Variants in FAR2 observed in about 807,000 individuals in gnomAD.
The protein encoded by FAR2 is fatty acyl-CoA reductase 2.
A neutral mutation model predicts 56.0 loss-of-function variants in FAR2; 19 were observed. The ratio of observed to expected loss-of-function variants is 0.34; its 90% confidence interval spans 0.24 to 0.50. FAR2 has a LOEUF of 0.50. FAR2 is among the 20% of genes least tolerant of loss of function. The pLI, the probability that FAR2 is intolerant of heterozygous loss-of-function variation, is 0.98. For missense variants in FAR2, 508 were observed against 642.2 expected (o/e 0.79, Z 2.26); for synonymous variants, 219 against 218.8 (o/e 1.00, Z -0.01).
In FAR2 at chr12:29,293,213, A is replaced by T. The variant is rs4280037; in HGVS notation, c.190-87A>T. The T allele has an allele frequency of 0.041, 46,496 of 1,122,684 alleles. 1,112 individuals are homozygous for T. Among genetic ancestry groups the T allele is most frequent in the East Asian group, 0.069 (2,471 of 35,772 alleles). The allele number at this position is 1,122,684 out of a possible 1,614,324, so 69.5% of individuals were successfully genotyped here. On this transcript the variant is annotated intron_variant, in intron 2 of 11. Coordinates refer to ENST00000536681, the MANE Select transcript of FAR2 (RefSeq NM_001271783.2). The stretch of plus-strand genomic sequence containing the variant: ...TTATTACAACTAAAACCAGTTTTTG[A>T]GTATAATTAAGCAGGTTGTTATAAA...
intron 4 of FAR2, among the ~76,000 whole-genome samples, chr12:29,298,431 A>G (rs936510062): frequency 6.6e-6 from 1 of 152,010 alleles, no homozygotes; most frequent in African/African-American, 2.4e-5. Flanking sequence ...AGTTTTAGCT[A>G]AATCAAGAGT....
chr12:29,281,631 C>T (rs529077645), intron 2 of FAR2: 3 of 151,902 alleles, frequency 2.0e-5, no homozygotes, highest in South Asian at 2.1e-4. Context: ...AAAAATAAAT[C>T]GTTTGGTTCA....
intron 2 of FAR2, among the ~76,000 whole-genome samples, chr12:29,275,169 C>G (rs1021106745): frequency 6.6e-6 from 1 of 151,148 alleles, no homozygotes; most frequent in East Asian, 2.0e-4. Flanking sequence ...AGAGAGTCAG[C>G]GAAGGGAGAC....
chr12:29,322,778 C>A (rs1949574430), intron 10 of FAR2, among the ~76,000 whole-genome samples: 1 of 152,166 alleles, frequency 6.6e-6, no homozygotes, highest in African/African-American at 2.4e-5. Flanking sequence ...TAGAAGAAAC[C>A]AAGTCACACT....
intron 1 of FAR2, among the ~76,000 whole-genome samples, chr12:29,251,998 A>T (rs1948220499): frequency 6.6e-6 from 1 of 152,156 alleles, no homozygotes; most frequent in South Asian, 2.1e-4. Flanking sequence ...TTCGAGAGGG[A>T]GAAATGCTGC....
In FAR2 at chr12:29,293,286, T is replaced by C. The variant is rs765725983; in HGVS notation, c.190-14T>C. On this transcript the variant is annotated splice_polypyrimidine_tract_variant and intron_variant, in intron 2 of 11. Coordinates refer to ENST00000536681, the MANE Select transcript of FAR2 (RefSeq NM_001271783.2). The stretch of plus-strand genomic sequence containing the variant: ...GTGCTATTTTTTGTATATTGATCTA[T>C]ATTTATGTTTCAGCTATTTGAGAAA... 22 of 1,554,388 alleles carry C rather than the reference T, an allele frequency of 1.4e-5. No individual in the cohort carries two copies. Among genetic ancestry groups the C allele is most frequent in the Non-Finnish European group, 1.9e-5 (22 of 1,151,142 alleles).
chr12:29,326,307 G>A (rs1399144624), intron 10 of FAR2, among the ~76,000 whole-genome samples: 4 of 152,168 alleles, frequency 2.6e-5, no homozygotes, highest in African/African-American at 7.2e-5. Context: ...ATTCACAGCC[G>A]AATTCTACCA....
At chr12:29,286,286 T>C (rs61447708) in intron 2 of FAR2, among the ~76,000 whole-genome samples, 2,952 of 152,272 alleles carry the variant, frequency 0.019, 82 homozygotes, top group African/African-American at 0.066. Context: ...GAGATACAGT[T>C]GTCATCTCTC....
intron 1 of FAR2, among the ~76,000 whole-genome samples, chr12:29,206,712 A>G (rs971268635): frequency 1.1e-4 from 16 of 152,234 alleles, no homozygotes; most frequent in African/African-American, 3.4e-4. Context: ...AGAAGATGAT[A>G]ATATGAAATG....
chr12:29,250,920 C>G (rs1212250964), intron 1 of FAR2, among the ~76,000 whole-genome samples: 1 of 152,140 alleles, frequency 6.6e-6, no homozygotes, highest in Non-Finnish European at 1.5e-5. Flanking sequence ...ATTGGAAAAC[C>G]TAACTGCAAT....
chr12:29,235,913 A>G (rs1805586362), intron 1 of FAR2, among the ~76,000 whole-genome samples: 1 of 152,172 alleles, frequency 6.6e-6, no homozygotes, highest in South Asian at 2.1e-4. Context: ...GGAGGGGGGA[A>G]GAAATAAGGA....
chr12:29,262,270 T>C (rs1287592340), intron 1 of FAR2, among the ~76,000 whole-genome samples: 2 of 152,048 alleles, frequency 1.3e-5, no homozygotes, highest in Admixed American at 6.6e-5. Context: ...GGTTATAAGA[T>C]AGCATTTGCA....
chr12:29,320,671 G>A (rs192461424), intron 9 of FAR2, among the ~76,000 whole-genome samples: 2 of 152,346 alleles, frequency 1.3e-5, no homozygotes, highest in Admixed American at 6.5e-5. Context: ...TTGGGGATTA[G>A]CTATGGGACC....
At chr12:29,183,593 A>C (rs1950011678) in intron 1 of FAR2, among the ~76,000 whole-genome samples, 1 of 152,158 alleles carries the variant, frequency 6.6e-6, no homozygotes, top group African/African-American at 2.4e-5. Context: ...TGTTAATTAT[A>C]CTTTCTAAAT....
At chr12:29,272,261 G>A (rs1331672830) in intron 2 of FAR2, among the ~76,000 whole-genome samples, 1 of 152,104 alleles carries the variant, frequency 6.6e-6, no homozygotes, top group Admixed American at 6.5e-5. Flanking sequence ...GTCTCCTTCT[G>A]GTACTGCAAT....
intron 1 of FAR2, among the ~76,000 whole-genome samples, chr12:29,184,422 CTTTTTTTTTTTT>C (rs71042961): frequency 1.4e-3 from 81 of 59,728 alleles, no homozygotes; most frequent in African/African-American, 5.8e-3. Flanking sequence ...AATCTAGCAT[CTTTTTTTTTTTT>C]TTTTTTTTTT....
chr12:29,316,894 A>G lies in FAR2; in HGVS notation c.1009A>G (p.Arg337Gly), dbSNP rs1268547356. 1.2e-6 allele frequency: 2 copies of G among 1,613,974 alleles called. No homozygotes were observed. The highest frequency in any genetic ancestry group is 1.3e-5 in the African/African-American group (1 of 74,910). The change falls in exon 9 of 12, where the codon AGG becomes GGG. Residue 337 changes from arginine (R) to glycine (G), a missense_variant. Coordinates refer to ENST00000536681, the MANE Select transcript of FAR2 (RefSeq NM_001271783.2). ...EKIPFERPFR[R>G]PNANFTSNSF... The stretch of plus-strand genomic sequence containing the variant: ...AATCCCATTTGAGAGACCTTTCAGG[A>G]GGCCAAATGCTAATTTTACCAGCAA...
intron 1 of FAR2, among the ~76,000 whole-genome samples, chr12:29,266,338 G>A (rs1948515912): frequency 6.6e-6 from 1 of 152,130 alleles, no homozygotes; most frequent in Non-Finnish European, 1.5e-5. Flanking sequence ...TAAAAAGAAT[G>A]AGATCCTGTT....
chr12:29,174,423 CTTTTTTTTTTTTTTT>C (rs55827253), intron 1 of FAR2, among the ~76,000 whole-genome samples: 2 of 55,434 alleles, frequency 3.6e-5, no homozygotes, highest in Non-Finnish European at 5.9e-5. Context: ...GGTTTTTATT[CTTTTTTTTTTTTTTT>C]TTTTTTTTTT....
Sources: allele counts gnomAD v4.1 joint callset (sites outside exome capture counted in the v4.1 genomes callset), GRCh38; gene constraint gnomAD v4.1.1; transcripts MANE v1.5; gene names NCBI Gene and HGNC (gene_info 2026-07-23, HGNC 2026-07-21).